The following CFAP54 variants were observed in gnomAD, a reference collection of about 807,000 sequenced individuals.
The protein encoded by CFAP54 is cilia- and flagella-associated protein 54.
Under a neutral mutation model 370.4 loss-of-function variants are expected in CFAP54, and 290 were observed. That is an observed-to-expected ratio of 0.78 (90% CI 0.71 to 0.86). CFAP54 has a LOEUF of 0.86. Among genes scored for constraint, CFAP54 ranks in the 40% least tolerant of loss-of-function variants. The pLI, the probability that CFAP54 is intolerant of heterozygous loss-of-function variation, is 0.00. For synonymous variants in CFAP54, 1,206 were observed against 1,236.5 expected, an observed-to-expected ratio of 0.98 and a Z score of 0.52; for missense variants, 3,399 against 3,528.7, an observed-to-expected ratio of 0.96 and a Z score of 0.93.
intron 40 of CFAP54, among the ~76,000 whole-genome samples, chr12:96,681,118 CCCA>C (rs1324855478): frequency 2.2e-5 from 3 of 139,446 alleles, no homozygotes; most frequent in Non-Finnish European, 4.8e-5. Flanking sequence ...AAAGCACCCC[CCCA>C]CACACACACA....
At chr12:96,508,758 C>T (rs1335096938) in intron 4 of CFAP54, among the ~76,000 whole-genome samples, 1 of 149,546 alleles carries the variant, frequency 6.7e-6, no homozygotes, top group Non-Finnish European at 1.5e-5. Flanking sequence ...TAGAATCTAG[C>T]TAAGTTCCTG....
Position 96,740,008 on chromosome 12 carries a change from G to T in CFAP54, c.7018G>T (p.Glu2340Ter). 6.2e-7 allele frequency: 1 copy of T among 1,607,366 alleles called. No homozygotes were observed. The highest frequency in any genetic ancestry group is 1.1e-5 in the South Asian group (1 of 90,502). ...ACTTCTCCAGGATTCAAAACTTTTT[G>T]AAAAGAAGGTAGTACAGGATGACAC... ...LTLLQDSKLF[E>*]KKVVQDDTEN... Residue 2340 changes from glutamate (E) to a stop codon, truncating the protein, a stop_gained, in exon 51 of 68, where the codon GAA becomes TAA. Coordinates refer to ENST00000524981, the MANE Select transcript of CFAP54 (RefSeq NM_001306084.2). LOFTEE classifies it high-confidence loss of function.
chr12:96,753,154 A>G (rs1958208808), intron 55 of CFAP54, among the ~76,000 whole-genome samples: 1 of 152,236 alleles, frequency 6.6e-6, no homozygotes, highest in African/African-American at 2.4e-5. Flanking sequence ...CTGGGGTCAC[A>G]CAGATAAAGT....
chr12:96,658,407 A>G, intron 38 of CFAP54, 61 bp downstream of exon 38: 5 of 1,554,318 alleles, frequency 3.2e-6, no homozygotes, highest in Non-Finnish European at 4.4e-6. Flanking sequence ...CCACATATAA[A>G]ATACAAAGAT....
At chr12:96,640,459 AT>A (rs980262491) in intron 32 of CFAP54, among the ~76,000 whole-genome samples, 9 of 152,260 alleles carry the variant, frequency 5.9e-5, no homozygotes, top group Non-Finnish European at 1.0e-4. Flanking sequence ...TTCCATGCTT[AT>A]GGGTACAAAG....
At chr12:96,510,997 A>C (rs1028512433) in intron 4 of CFAP54, among the ~76,000 whole-genome samples, 4 of 151,052 alleles carry the variant, frequency 2.6e-5, no homozygotes, top group Non-Finnish European at 4.4e-5. Flanking sequence ...GAAAAAGATG[A>C]AGAGTAGAGG....
chr12:96,817,305 C>G (rs1231028298), intron 64 of CFAP54, among the ~76,000 whole-genome samples: 1 of 152,082 alleles, frequency 6.6e-6, no homozygotes, highest in Non-Finnish European at 1.5e-5. Context: ...TCTCTTTGCT[C>G]ATGTTTCTTG....
At chr12:96,518,248 C>A (rs1019743833) in intron 5 of CFAP54, among the ~76,000 whole-genome samples, 54 of 152,186 alleles carry the variant, frequency 3.5e-4, no homozygotes, top group Admixed American at 3.3e-3. Context: ...AAGCCTTTTT[C>A]ATTTTCCTTA....
Position 96,527,308 on chromosome 12 carries a change from C to G in CFAP54, c.1221C>G (p.Ser407=). 6.5e-7 allele frequency: 1 copy of G among 1,535,734 alleles called. No individual in the cohort carries two copies. Among genetic ancestry groups the G allele is most frequent in the Non-Finnish European group, 8.7e-7 (1 of 1,146,686 alleles). Residue 407 remains serine (S), a synonymous_variant, in exon 9 of 68, where the codon TCC becomes TCG. Transcript: ENST00000524981. The stretch of plus-strand genomic sequence containing the variant: ...ATGAGATGTTTGATAGCACTGCATC[C>G]CAGTTTCTGGCTGTCTTGGAAGCTC... ...LLDEMFDSTA[S]QFLAVLEALS... is the part of the protein sequence containing the mutation.
intron 19 of CFAP54, among the ~76,000 whole-genome samples, chr12:96,568,838 A>T (rs531967668): frequency 6.6e-6 from 1 of 151,768 alleles, no homozygotes; most frequent in African/African-American, 2.4e-5. Context: ...AAGATGGACC[A>T]ATTTATTCCC....
chr12:96,640,025 A>G (rs1294235588), intron 32 of CFAP54, among the ~76,000 whole-genome samples: 7 of 152,150 alleles, frequency 4.6e-5, no homozygotes, highest in South Asian at 4.1e-4. Flanking sequence ...GCACAAGACA[A>G]GGATGCCCTC....
intron 38 of CFAP54, among the ~76,000 whole-genome samples, chr12:96,663,092 G>A (rs1375533582): frequency 2.6e-5 from 4 of 152,134 alleles, no homozygotes; most frequent in Admixed American, 2.6e-4. Flanking sequence ...TCCGTTTAAG[G>A]AAGCTGGAGA....
chr12:96,804,518 G>A (rs2078946625), intron 63 of CFAP54, among the ~76,000 whole-genome samples: 2 of 152,026 alleles, frequency 1.3e-5, no homozygotes, highest in South Asian at 2.1e-4. Flanking sequence ...AATCACATTT[G>A]TAATAACTAC....
intron 19 of CFAP54, chr12:96,573,035 G>A (rs1955938855): frequency 1.0e-6 from 1 of 985,306 alleles, no homozygotes. Flanking sequence ...AGGCTGGCTG[G>A]TCAGTGGAGA....
In CFAP54 at chr12:96,506,980, G is replaced by A; in HGVS notation, c.620G>A (p.Ser207Asn). Reference sequence around the variant, plus strand: ...TGCAACTACCAGCTGGTCTGCGACAGTGATGAAAACCTGAAGAATAAAGAA... The same window carrying A: ...TGCAACTACCAGCTGGTCTGCGACAATGATGAAAACCTGAAGAATAAAGAA... ...NMCNYQLVCD[S>N]DENLKNKESV... Residue 207 changes from serine to asparagine, a missense_variant, in exon 4 of 68, where the codon AGT (serine) becomes AAT (asparagine). By Grantham distance (46) the Ser-to-Asn change is conservative. Around this residue, in one of 3 missense-constraint regions of CFAP54, gnomAD observed 559 missense variants for 576.7 expected, o/e 0.97. Coordinates refer to ENST00000524981, the MANE Select transcript of CFAP54 (RefSeq NM_001306084.2). 1 of 1,535,932 alleles carries A rather than the reference G, an allele frequency of 6.5e-7. No individual in the cohort carries two copies. The highest frequency in any genetic ancestry group is 8.7e-7 in the Non-Finnish European group (1 of 1,146,856).
At chr12:96,657,250 G>A (rs1472574805) in intron 36 of CFAP54, among the ~76,000 whole-genome samples, 1 of 152,168 alleles carries the variant, frequency 6.6e-6, no homozygotes, top group Admixed American at 6.5e-5. Context: ...GAACTCATAG[G>A]ACATGCACAC....
At chr12:96,506,690 G>A (rs1440903280) in intron 3 of CFAP54, among the ~76,000 whole-genome samples, 1 of 150,004 alleles carries the variant, frequency 6.7e-6, no homozygotes, top group African/African-American at 2.5e-5. Context: ...AGGTTCAAAC[G>A]ATTCTCCTGC....
chr12:96,514,054 A>G (rs2136360663), intron 5 of CFAP54, among the ~76,000 whole-genome samples: 1 of 152,342 alleles, frequency 6.6e-6, no homozygotes, highest in South Asian at 2.1e-4. Context: ...CACGGGAGAC[A>G]TATTTATTCC....
In CFAP54 at chr12:96,594,396, C is replaced by T. The variant is rs1332977939; in HGVS notation, c.3466C>T (p.Leu1156Phe). The change falls in exon 25 of 68, where the codon CTT (leucine) becomes TTT (phenylalanine). Residue 1156 changes from leucine to phenylalanine, a missense_variant. Physicochemically the swap from Leu to Phe is conservative, Grantham distance 22. This residue lies in a region of CFAP54 where 2,796 missense variants were observed against 2,869.7 expected (regional missense o/e 0.97). Transcript: ENST00000524981. ...TCAAGCTGTGACTCAATGTTATGGA[C>T]TTCTTGCTCCCATAATTTATCACAA... ...ALQAVTQCYG[L>F]LAPIIYHNIV... is the part of the protein sequence containing the mutation. 1 of 1,533,902 alleles carries T rather than the reference C, an allele frequency of 6.5e-7. No individual in the cohort carries two copies. The highest frequency in any genetic ancestry group is 8.7e-7 in the Non-Finnish European group (1 of 1,145,392).
Sources: allele counts gnomAD v4.1 joint callset (sites outside exome capture counted in the v4.1 genomes callset), GRCh38; gene constraint gnomAD v4.1.1; regional missense constraint gnomAD v4.1.1; transcripts MANE v1.5; gene names NCBI Gene and HGNC (gene_info 2026-07-23, HGNC 2026-07-21).